The following CTTNBP2NL variants were observed in gnomAD, a reference collection of about 807,000 sequenced individuals.
The protein encoded by CTTNBP2NL is CTTNBP2 N-terminal like.
In CTTNBP2NL, 16 loss-of-function variants were observed where a neutral mutation model predicts 32.5. That is an observed-to-expected ratio of 0.49 (90% confidence interval 0.33 to 0.75). CTTNBP2NL has a LOEUF of 0.75. Among genes scored for constraint, CTTNBP2NL ranks in the 30% least tolerant of loss-of-function variants. The pLI, the probability that CTTNBP2NL is intolerant of heterozygous loss-of-function variation, is 0.02. For synonymous variants in CTTNBP2NL, 298 were observed against 289.4 expected (o/e 1.03, Z -0.30); for missense variants, 645 against 756.0 (o/e 0.85, Z 1.72).
intron 3 of CTTNBP2NL, among the ~76,000 whole-genome samples, chr1:112,446,876 A>G (rs1468514886): frequency 6.6e-6 from 1 of 152,210 alleles, no homozygotes; most frequent in East Asian, 1.9e-4. Context: ...AATAAGAAGA[A>G]GAATGGCTGG....
At chr1:112,397,003 C>G (rs1648350574) in intron 1 of CTTNBP2NL, among the ~76,000 whole-genome samples, 1 of 150,266 alleles carries the variant, frequency 6.7e-6, no homozygotes, top group South Asian at 2.1e-4. Context: ...CACCCAGCCT[C>G]TAAGGGTTTC....
intron 3 of CTTNBP2NL, among the ~76,000 whole-genome samples, chr1:112,426,697 C>T (rs1649413083): frequency 6.7e-6 from 1 of 150,172 alleles, no homozygotes; most frequent in South Asian, 2.1e-4. Flanking sequence ...ACCTCTGCCT[C>T]CTGGATTCAA....
In CTTNBP2NL at chr1:112,457,058, C is replaced by G; in HGVS notation, c.1566C>G (p.Val522=). ...GCCAACAAGGGCCAATCAAGCCAGT[C>G]TCTCCCAACAGCTCTCCCTTTGGCA... is the stretch of plus-strand genomic sequence containing the variant. The part of the protein sequence containing the change: ...FTSQQGPIKP[V]SPNSSPFGTD... The change falls in exon 6 of 6, where the codon GTC becomes GTG. Residue 522 remains valine (V), a synonymous_variant. Coordinates refer to ENST00000271277, the MANE Select transcript of CTTNBP2NL (RefSeq NM_018704.3). 1 of 1,614,188 alleles carries G rather than the reference C, an allele frequency of 6.2e-7. No individual in the cohort carries two copies. The highest frequency in any genetic ancestry group is 8.5e-7 in the Non-Finnish European group (1 of 1,180,034).
chr1:112,403,406 C>CTGTT (rs10634071), intron 1 of CTTNBP2NL, among the ~76,000 whole-genome samples: 73,189 of 151,688 alleles, frequency 0.48, 20,031 homozygotes, highest in African/African-American at 0.75. Flanking sequence ...TTTTCAGTAT[C>CTGTT]TGAACCAGAC....
Position 112,456,920 on chromosome 1 carries a change from CA to C in CTTNBP2NL, c.1429del (p.Ser477ValfsTer16). On this transcript the variant is annotated frameshift_variant, in exon 6 of 6. Transcript: ENST00000271277. LOFTEE classifies it high-confidence loss of function. ...QSQADQDQQA[S>X]GLQSPPSRDL... ...CCCAAGCAGATCAGGACCAACAAGC[CA>C]GTGGCCTACAGAGCCCTCCATCCAG... 1 of 1,614,122 alleles carries C rather than the reference CA, an allele frequency of 6.2e-7. No individual in the cohort carries two copies. The highest frequency in any genetic ancestry group is 2.2e-5 in the East Asian group (1 of 44,876).
At chr1:112,425,993 G>GTC (rs1417423464) in intron 3 of CTTNBP2NL, among the ~76,000 whole-genome samples, 20 of 134,098 alleles carry the variant, frequency 1.5e-4, no homozygotes, top group African/African-American at 4.8e-4. Context: ...GTGTGTGTGT[G>GTC]TGTGTGTGTG....
intron 3 of CTTNBP2NL, among the ~76,000 whole-genome samples, chr1:112,447,823 A>C (rs1053863207): frequency 6.6e-6 from 1 of 152,222 alleles, no homozygotes; most frequent in Non-Finnish European, 1.5e-5. Context: ...AGTAGTTTTC[A>C]TAACCAGATT....
At chr1:112,451,729 C>A (rs1274037772) in intron 4 of CTTNBP2NL, among the ~76,000 whole-genome samples, 2 of 146,946 alleles carry the variant, frequency 1.4e-5, no homozygotes, top group African/African-American at 2.5e-5. Flanking sequence ...GAGATCACAC[C>A]ACTGTAATCC....
intron 1 of CTTNBP2NL, among the ~76,000 whole-genome samples, chr1:112,406,574 T>G (rs1036677764): frequency 2.6e-5 from 4 of 152,202 alleles, no homozygotes; most frequent in Non-Finnish European, 4.4e-5. Flanking sequence ...CACCTAAGGT[T>G]GTTGTGAAGA....
In CTTNBP2NL at chr1:112,449,070, C is replaced by T; in HGVS notation, c.228C>T (p.Cys76=). ...EKNDGEKQPV[C]TNPLSILKVV... ...ATGATGGCGAAAAGCAGCCAGTCTG[C>T]ACAAATCCACTCTCTATTCTTAAGG... The change falls in exon 4 of 6, where the codon TGC becomes TGT. Residue 76 remains cysteine (C), a synonymous_variant. Coordinates refer to ENST00000271277, the MANE Select transcript of CTTNBP2NL (RefSeq NM_018704.3). The T allele has an allele frequency of 6.2e-7, 1 of 1,612,984 alleles. No homozygotes were observed. The highest frequency in any genetic ancestry group is 8.5e-7 in the Non-Finnish European group (1 of 1,178,922).
At chr1:112,421,174 A>AT (rs1472813758) in intron 3 of CTTNBP2NL, among the ~76,000 whole-genome samples, 5 of 151,954 alleles carry the variant, frequency 3.3e-5, no homozygotes, top group Admixed American at 2.6e-4. Flanking sequence ...ACTGTGGCTT[A>AT]TGCCTATTAA....
chr1:112,393,937 T>C (rs1033893399), upstream of CTTNBP2NL, among the ~76,000 whole-genome samples: 3 of 151,954 alleles, frequency 2.0e-5, no homozygotes, highest in African/African-American at 4.8e-5. Flanking sequence ...CCGGGCATGG[T>C]GGTTTACGCC....
rs748415673 is a variant in CTTNBP2NL at position 112,456,480 on chromosome 1, A to G, written c.988A>G (p.Met330Val). Residue 330 changes from methionine to valine, a missense_variant, in exon 6 of 6, where the codon ATG (methionine) becomes GTG (valine). Coordinates refer to ENST00000271277, the MANE Select transcript of CTTNBP2NL (RefSeq NM_018704.3). ...ERTHGSNIAKMTNTGLPGPAT... is the reference protein window; with the variant it reads ...ERTHGSNIAKVTNTGLPGPAT... ...AACCCATGGGAGCAACATAGCCAAG[A>G]TGACAAACACTGGGCTGCCTGGTCC... is the stretch of plus-strand genomic sequence containing the variant. 4.3e-6 allele frequency: 7 copies of G among 1,614,006 alleles called. No individual in the cohort carries two copies. The South Asian group carries it at 7.7e-5, about 18-fold the overall frequency.
chr1:112,446,273 G>A (rs1480680646), intron 3 of CTTNBP2NL, among the ~76,000 whole-genome samples: 1 of 151,634 alleles, frequency 6.6e-6, no homozygotes, highest in African/African-American at 2.4e-5. Flanking sequence ...GGCTGAGGTG[G>A]AAGGATCACT....
At chr1:112,393,929 G>T (rs1038983099), upstream of CTTNBP2NL, among the ~76,000 whole-genome samples, 7 of 152,134 alleles carry the variant, frequency 4.6e-5, no homozygotes, top group Admixed American at 2.0e-4. Context: ...AGGACCTGCC[G>T]GGCATGGTGG....
At chr1:112,453,681 G>A (rs983077086) in intron 4 of CTTNBP2NL, among the ~76,000 whole-genome samples, 1 of 152,076 alleles carries the variant, frequency 6.6e-6, no homozygotes, top group Non-Finnish European at 1.5e-5. Context: ...TTGAGCTCGG[G>A]AGGCCAAGGC....
intron 3 of CTTNBP2NL, among the ~76,000 whole-genome samples, chr1:112,416,878 T>C (rs1283229680): frequency 6.6e-6 from 1 of 152,148 alleles, no homozygotes; most frequent in Non-Finnish European, 1.5e-5. Context: ...TCCTAATAAA[T>C]GTACATACAT....
chr1:112,457,627 A>C lies in CTTNBP2NL; in HGVS notation c.*215A>C, dbSNP rs1650411242. ...ATCTTTTTACTGAAGCCAGAAAGGC[A>C]CCTCAAAGATGTCTCAAGCTCAGCA... On this transcript the variant is annotated 3_prime_UTR_variant, in exon 6 of 6. Transcript: ENST00000271277. 2.0e-6 allele frequency: 1 copy of C among 498,786 alleles called. No individual in the cohort carries two copies. The highest frequency in any genetic ancestry group is 1.9e-5 in the African/African-American group (1 of 51,644). The allele number at this position is 498,786 out of a possible 1,614,324, so 30.9% of individuals were successfully genotyped here.
intron 2 of CTTNBP2NL, 99 bp downstream of exon 2, chr1:112,412,416 G>A (rs1005395711): frequency 6.6e-6 from 1 of 152,092 alleles, no homozygotes; most frequent in Non-Finnish European, 1.5e-5. Context: ...ATTTATTGCA[G>A]TGTCTATATA....
Sources: allele counts gnomAD v4.1 joint callset (sites outside exome capture counted in the v4.1 genomes callset), GRCh38; gene constraint gnomAD v4.1.1; transcripts MANE v1.5; gene names NCBI Gene and HGNC (gene_info 2026-07-23, HGNC 2026-07-21).